The following RTN4 variants were observed in gnomAD, a reference collection of about 807,000 sequenced individuals.
RTN4 encodes reticulon-4.
Under a neutral mutation model 90.4 loss-of-function variants are expected in RTN4, and 32 were observed. That is an observed-to-expected ratio of 0.35 (90% confidence interval 0.27 to 0.48). The LOEUF is 0.48. Ranked by LOEUF, RTN4 falls within the 20% of genes least tolerant of loss-of-function variation. The probability of loss-of-function intolerance (pLI) is 0.99; values close to 1 mark genes in which losing one functional copy is unlikely to be tolerated. For missense variants in RTN4, 1,706 were observed against 1,430.2 expected (o/e 1.19, Z -3.11); for synonymous variants, 629 against 552.5 (o/e 1.14, Z -1.94).
intron 2 of RTN4, chr2:55,080,464 C>T (rs1241375931): frequency 6.6e-6 from 1 of 152,148 alleles, no homozygotes; most frequent in African/African-American, 2.4e-5. Context: ...ATTTGCATAT[C>T]ACAGAGCAAA....
At chr2:55,004,855 G>A (rs374456749) in intron 3 of RTN4, among the ~76,000 whole-genome samples, 3 of 151,878 alleles carry the variant, frequency 2.0e-5, no homozygotes, top group Non-Finnish European at 4.4e-5. Flanking sequence ...CTTCCCTTAG[G>A]GGGGAAAAAA....
chr2:55,070,612 C>A (rs1668492235), intron 2 of RTN4, among the ~76,000 whole-genome samples: 1 of 146,746 alleles, frequency 6.8e-6, no homozygotes, highest in African/African-American at 2.5e-5. Flanking sequence ...TTTGCAATAA[C>A]CAAAAATGCC....
At chr2:55,053,831 T>G (rs7559248), upstream of RTN4, among the ~76,000 whole-genome samples, 4 of 152,178 alleles carry the variant, frequency 2.6e-5, no homozygotes, top group African/African-American at 9.6e-5. Context: ...CATAGAATCT[T>G]AGGGTTGGGA....
At chr2:55,007,174 C>T (rs1386736845) in intron 3 of RTN4, among the ~76,000 whole-genome samples, 2 of 152,130 alleles carry the variant, frequency 1.3e-5, no homozygotes, top group African/African-American at 4.8e-5. Flanking sequence ...ACACCTCATC[C>T]TTGTCCTGCA....
chr2:55,117,641 T>C, the RTN4 span, among the ~76,000 whole-genome samples: 1 of 152,218 alleles, frequency 6.6e-6, no homozygotes, highest in Non-Finnish European at 1.5e-5. Context: ...AAAAGCTTCA[T>C]GAAATCTCAC....
upstream of RTN4, chr2:55,050,477 C>G: frequency 2.4e-6 from 1 of 414,332 alleles, no homozygotes. The surrounding 1 kb of genome is among the most constrained non-coding windows in gnomAD (Gnocchi z 4.6). Flanking sequence ...GCCTCCGCGC[C>G]GGTGATGCGC....
At chr2:55,132,600 C>CTA in the RTN4 span, among the ~76,000 whole-genome samples, 2 of 149,564 alleles carry the variant, frequency 1.3e-5, no homozygotes, top group South Asian at 4.2e-4. Context: ...CTGCTTGAGC[C>CTA]CAGGAGTTTG....
intron 3 of RTN4, among the ~76,000 whole-genome samples, chr2:54,994,652 C>T (rs142789917): frequency 1.4e-3 from 206 of 152,276 alleles, no homozygotes; most frequent in African/African-American, 4.8e-3. Flanking sequence ...CCCCCTAAGA[C>T]TAGGAACAAG....
At chr2:55,127,091 T>G in the RTN4 span, among the ~76,000 whole-genome samples, 2 of 152,150 alleles carry the variant, frequency 1.3e-5, no homozygotes, top group African/African-American at 4.8e-5. Context: ...TGAAATATTA[T>G]GTATAACAAA....
At chr2:55,060,658 C>CA (rs1227752255) in intron 2 of RTN4, 1 of 152,252 alleles carries the variant, frequency 6.6e-6, no homozygotes, top group Non-Finnish European at 1.5e-5. Context: ...CGGTGGATCA[C>CA]AGCTATAATC....
chr2:54,985,317 A>C (rs1019441856), intron 4 of RTN4, among the ~76,000 whole-genome samples: 1 of 151,564 alleles, frequency 6.6e-6, no homozygotes, highest in Non-Finnish European at 1.5e-5. Context: ...GCATCACCAC[A>C]CCTGGCTAAT....
chr2:55,034,365 G>A (rs753746546), intron 1 of RTN4, among the ~76,000 whole-genome samples: 8 of 151,990 alleles, frequency 5.3e-5, no homozygotes, highest in East Asian at 3.9e-4. Flanking sequence ...AGCCAGGCAC[G>A]GTAGCGTGTG....
intron 3 of RTN4, among the ~76,000 whole-genome samples, chr2:55,013,619 GAGGGTGTA>G (rs1680810143): frequency 3.6e-5 from 3 of 82,758 alleles, no homozygotes; most frequent in Admixed American, 1.4e-4. Context: ...GGGGGGGGGG[GAGGGTGTA>G]GGGGGGGTGG....
the RTN4 span, among the ~76,000 whole-genome samples, chr2:55,134,194 A>C: frequency 1.3e-5 from 2 of 151,914 alleles, no homozygotes; most frequent in Non-Finnish European, 2.9e-5. Context: ...GGACAACCAG[A>C]GATTGCTTTT....
intron 1 of RTN4, among the ~76,000 whole-genome samples, chr2:55,089,077 C>G (rs542180851): frequency 1.3e-5 from 2 of 152,072 alleles, no homozygotes; most frequent in Admixed American, 6.6e-5. Context: ...GGACTACAGG[C>G]GCTCACAGTT....
At chr2:55,079,262 A>C (rs2968823) in intron 2 of RTN4, among the ~76,000 whole-genome samples, 140,174 of 152,278 alleles carry the variant, frequency 0.92, 64,681 homozygotes, top group Middle Eastern at 0.99. Flanking sequence ...AAAAGTTATA[A>C]CAGTGCTAGT....
intron 1 of RTN4, among the ~76,000 whole-genome samples, chr2:55,048,257 T>A (rs1190522395): frequency 6.6e-6 from 1 of 152,146 alleles, no homozygotes; most frequent in East Asian, 1.9e-4. Flanking sequence ...GAGTAGTGAG[T>A]GAATGTGAAG....
intron 1 of RTN4, chr2:55,049,288 A>G (rs1667959127): frequency 2.2e-6 from 1 of 446,500 alleles, no homozygotes; most frequent in Non-Finnish European, 3.0e-6. Flanking sequence ...ACCCGCAGCA[A>G]AACTGCACCT....
chr2:54,990,320 A>G (rs974936366), intron 3 of RTN4, among the ~76,000 whole-genome samples: 7 of 152,220 alleles, frequency 4.6e-5, no homozygotes, highest in Admixed American at 2.6e-4. Flanking sequence ...CGGTACTTTA[A>G]TAAGTTTGAT....
Sources: gnomAD v4.1 joint callset for allele counts (sites outside exome capture counted in the v4.1 genomes callset) on GRCh38, gnomAD v4.1.1 for gene constraint, Gnocchi (gnomAD v3.1) non-coding constraint, MANE v1.5 for transcripts, NCBI Gene and HGNC (gene_info 2026-07-23, HGNC 2026-07-21) for gene names.